Variants in NRG1 observed in about 807,000 individuals in gnomAD.
The protein encoded by NRG1 is neuregulin 1, also known as pro-neuregulin-1, membrane-bound isoform.
Under a neutral mutation model 63.8 loss-of-function variants are expected in NRG1, and 18 were observed. The ratio of observed to expected loss-of-function variants is 0.28; its 90% confidence interval spans 0.19 to 0.42. NRG1 has a LOEUF of 0.42. Among genes scored for constraint, NRG1 ranks in the 10% least tolerant of loss-of-function variants. The probability of loss-of-function intolerance (pLI) is 1.00; values close to 1 mark genes in which losing one functional copy is unlikely to be tolerated. For missense variants in NRG1, 762 were observed against 814.7 expected, an observed-to-expected ratio of 0.94 and a Z score of 0.79; for synonymous variants, 302 against 301.3, an observed-to-expected ratio of 1.00 and a Z score of -0.02.
At chr8:31,648,317 A>G (rs1469128792) in intron 1 of NRG1, among the ~76,000 whole-genome samples, 4 of 151,522 alleles carry the variant, frequency 2.6e-5, no homozygotes, top group Non-Finnish European at 5.9e-5. Flanking sequence ...TATTTTTAGT[A>G]GAGACGGGGT....
intron 1 of NRG1, among the ~76,000 whole-genome samples, chr8:32,359,300 T>G (rs1465228431): frequency 6.6e-6 from 1 of 152,216 alleles, no homozygotes; most frequent in Non-Finnish European, 1.5e-5. Context: ...GCTTAGAAAA[T>G]AATCACATAT....
chr8:31,997,155 T>C (rs756414753), intron 1 of NRG1, among the ~76,000 whole-genome samples: 6 of 150,436 alleles, frequency 4.0e-5, no homozygotes, highest in Non-Finnish European at 8.9e-5. Flanking sequence ...TTGCCCAAAA[T>C]ATTTTAAGAA....
intron 1 of NRG1, among the ~76,000 whole-genome samples, chr8:32,503,104 T>C (rs1828062553): frequency 6.8e-6 from 1 of 147,588 alleles, no homozygotes; most frequent in Non-Finnish European, 1.5e-5. Flanking sequence ...GCTAACACAA[T>C]GAAACCCCAT....
At chr8:32,538,229 G>T (rs1333943221) in intron 1 of NRG1, among the ~76,000 whole-genome samples, 1 of 152,072 alleles carries the variant, frequency 6.6e-6, no homozygotes, top group Non-Finnish European at 1.5e-5. Context: ...TGAGTGACAG[G>T]CACCCTCTGA....
intron 1 of NRG1, among the ~76,000 whole-genome samples, chr8:32,185,274 G>C (rs772520978): frequency 1.3e-5 from 2 of 152,142 alleles, no homozygotes; most frequent in Non-Finnish European, 2.9e-5. Flanking sequence ...ACAGGTAACA[G>C]GGTGTATTAA....
At chr8:32,344,910 C>T (rs915982420) in intron 1 of NRG1, among the ~76,000 whole-genome samples, 4 of 152,124 alleles carry the variant, frequency 2.6e-5, no homozygotes, top group African/African-American at 4.8e-5. Flanking sequence ...ATCTAGAAGA[C>T]GGATCTCTCT....
intron 1 of NRG1, among the ~76,000 whole-genome samples, chr8:32,314,812 C>A (rs1449705316): frequency 6.6e-6 from 1 of 152,170 alleles, no homozygotes; most frequent in African/African-American, 2.4e-5. Flanking sequence ...TCCACCCCAG[C>A]CTCTTCCATA....
intron 1 of NRG1, among the ~76,000 whole-genome samples, chr8:31,818,726 T>G (rs1253971829): frequency 3.9e-5 from 6 of 152,088 alleles, no homozygotes; most frequent in Non-Finnish European, 5.9e-5. Flanking sequence ...CCGGTACCAG[T>G]CAGTAAGCTG....
chr8:31,639,979 C>T (rs1803574593), intron 1 of NRG1: 1 of 1,129,410 alleles, frequency 8.9e-7, no homozygotes, highest in Non-Finnish European at 1.1e-6. Context: ...GCACGCACCT[C>T]GCACCATGAG....
intron 1 of NRG1, among the ~76,000 whole-genome samples, chr8:32,473,921 G>A (rs1336423172): frequency 6.6e-6 from 1 of 152,016 alleles, no homozygotes; most frequent in Non-Finnish European, 1.5e-5. Context: ...CTGGCCTCAA[G>A]CAATCCTCCC....
At position 32,269,454 on chromosome 8, in the gene NRG1, G is replaced by A. The variant is rs149138065; in HGVS notation, c.38-326374G>A. 7.5e-3 allele frequency among the ~76,000 whole-genome samples: 1,135 copies of A among 152,236 alleles called. 6 individuals carry two copies. The highest frequency in any genetic ancestry group is 0.011 in the Non-Finnish European group (777 of 68,016). On this transcript the variant is annotated intron_variant, in intron 1 of 10. Coordinates refer to the NRG1 transcript ENST00000519301. ...CGATTCTTATTAACCTATTGGTGAC[G>A]TCTTTCCCAGAGGTGAAGCTTTGAT...
downstream of NRG1, among the ~76,000 whole-genome samples, chr8:32,769,869 A>G (rs1291879551): frequency 6.6e-6 from 1 of 152,188 alleles, no homozygotes; most frequent in Non-Finnish European, 1.5e-5. Context: ...CTGGGTAGCT[A>G]TTGATTTTGA....
chr8:31,967,693 G>C (rs1806587253), intron 1 of NRG1, among the ~76,000 whole-genome samples: 1 of 152,178 alleles, frequency 6.6e-6, no homozygotes, highest in African/African-American at 2.4e-5. Flanking sequence ...GTGACAGCAA[G>C]AAGGCAGCAG....
chr8:31,921,933 T>A (rs1205986584), intron 1 of NRG1, among the ~76,000 whole-genome samples: 1 of 152,172 alleles, frequency 6.6e-6, no homozygotes, highest in Non-Finnish European at 1.5e-5. Context: ...AAAATTTTTT[T>A]AATTCTATGA....
At chr8:32,470,480 A>C (rs967146768) in intron 1 of NRG1, among the ~76,000 whole-genome samples, 1 of 152,100 alleles carries the variant, frequency 6.6e-6, no homozygotes, top group African/African-American at 2.4e-5. Context: ...CTGGGATTAC[A>C]GGCGTGAGCC....
intron 1 of NRG1, among the ~76,000 whole-genome samples, chr8:32,261,203 T>C (rs757752820): frequency 2.0e-5 from 3 of 152,184 alleles, no homozygotes; most frequent in Non-Finnish European, 4.4e-5. Flanking sequence ...ATTGGTATAA[T>C]TCTATTCACT....
chr8:31,675,810 A>G (rs1807633866), intron 1 of NRG1, among the ~76,000 whole-genome samples: 1 of 152,192 alleles, frequency 6.6e-6, no homozygotes. Context: ...ATCTCTGTGA[A>G]GAATTATTAT....
At chr8:31,939,899 G>T (rs968521402) in intron 1 of NRG1, among the ~76,000 whole-genome samples, 2 of 151,986 alleles carry the variant, frequency 1.3e-5, no homozygotes, top group African/African-American at 2.4e-5. Context: ...CCTAACACTG[G>T]AGCACCCAAA....
At chr8:32,759,406 C>A (rs1261720376) in exon 10 of NRG1, 2 of 1,613,738 alleles carry the variant, frequency 1.2e-6, no homozygotes, top group South Asian at 1.1e-5. Flanking sequence ...GCCCATCACT[C>A]CACTACTGTC....
Sources: gnomAD v4.1 joint callset for allele counts (sites outside exome capture counted in the v4.1 genomes callset) on GRCh38, gnomAD v4.1.1 for gene constraint, MANE v1.5 for transcripts, NCBI Gene and HGNC (gene_info 2026-07-23, HGNC 2026-07-21) for gene names.